Variants in ASF1A observed in about 807,000 individuals in gnomAD.
ASF1A encodes the protein histone chaperone ASF1A.
Under a neutral mutation model 22.0 loss-of-function variants are expected in ASF1A, and 5 were observed. The observed-to-expected ratio is 0.23, with a 90% CI of 0.12 to 0.48. The LOEUF (loss-of-function observed/expected upper bound fraction) is 0.48. ASF1A is among the 20% of genes least tolerant of loss of function. ASF1A has a pLI of 0.99. For synonymous variants in ASF1A, 97 were observed against 86.7 expected, an observed-to-expected ratio of 1.12 and a Z score of -0.66; for missense variants, 137 against 240.6, an observed-to-expected ratio of 0.57 and a Z score of 2.85.
intron 1 of ASF1A, among the ~76,000 whole-genome samples, chr6:118,899,691 TATAA>T (rs1779673200): frequency 6.6e-6 from 1 of 152,178 alleles, no homozygotes; most frequent in Non-Finnish European, 1.5e-5. Flanking sequence ...TACAATACAA[TATAA>T]ATAAGCAGTA....
Position 118,894,299 on chromosome 6 carries a change from C to A in ASF1A, c.-115C>A. 1.3e-6 allele frequency: 2 copies of A among 1,489,828 alleles called. No homozygotes were observed. Among genetic ancestry groups the A allele is most frequent in the South Asian group, 1.3e-5 (1 of 77,910 alleles). 92.3% of individuals were successfully genotyped at this position (1,489,828 alleles called of 1,614,324 possible). A position where few individuals can be genotyped will look rare whatever the true frequency, so the allele number is the denominator to read the frequency against. ...AAAAAAGTTTCTCAAGTCGCCGCTG[C>A]ACGACGTCTGGCCGGCGCTGGAGCG... On this transcript the variant is annotated 5_prime_UTR_variant, in exon 1 of 4. Coordinates refer to ENST00000229595, the MANE Select transcript of ASF1A (RefSeq NM_014034.3).
intron 1 of ASF1A, among the ~76,000 whole-genome samples, chr6:118,894,749 G>A (rs958703474): frequency 7.1e-6 from 1 of 140,840 alleles, no homozygotes; most frequent in African/African-American, 3.0e-5. Context: ...TTGTTTGAGC[G>A]GAGGAGCGGA....
At chr6:118,902,479 T>C (rs1374696317) in intron 2 of ASF1A, among the ~76,000 whole-genome samples, 1 of 151,168 alleles carries the variant, frequency 6.6e-6, no homozygotes, top group Non-Finnish European at 1.5e-5. Context: ...ACTTTACTGA[T>C]AATTCATGAT....
intron 1 of ASF1A, among the ~76,000 whole-genome samples, chr6:118,896,040 C>T (rs1779381606): frequency 2.2e-5 from 3 of 137,592 alleles, no homozygotes; most frequent in Admixed American, 2.1e-4. Flanking sequence ...CATGTGCCCC[C>T]GTTTTTTTTT....
At position 118,896,194 on chromosome 6, in the gene ASF1A, A is replaced by G. The variant is rs148343303; in HGVS notation, c.109+1672A>G. ...CTTATTACTCTGAAGTCATTTGATT[A>G]CTCTCCTATGATACTACTATTAATA... On this transcript the variant is annotated intron_variant, in intron 1 of 3. Coordinates refer to ENST00000229595, the MANE Select transcript of ASF1A (RefSeq NM_014034.3). Among the ~76,000 whole-genome samples, 592 of 151,930 alleles carry G rather than the reference A, an allele frequency of 3.9e-3. 4 individuals are homozygous for G. The highest frequency in any genetic ancestry group is 8.4e-3 in the Admixed American group (128 of 15,244).
intron 2 of ASF1A, among the ~76,000 whole-genome samples, chr6:118,905,139 T>C (rs1780087627): frequency 6.6e-6 from 1 of 152,176 alleles, no homozygotes; most frequent in South Asian, 2.1e-4. Context: ...CCCAACCTCA[T>C]TTTCAGTTTT....
At chr6:118,904,343 A>G (rs1947393749) in intron 2 of ASF1A, among the ~76,000 whole-genome samples, 1 of 152,210 alleles carries the variant, frequency 6.6e-6, no homozygotes, top group East Asian at 1.9e-4. Context: ...TGTTAGGCAT[A>G]CAGTAAACAA....
chr6:118,905,626 TTTC>T (rs1181314050), intron 2 of ASF1A, 23 bp from the exon 3 acceptor site: 1 of 1,568,092 alleles, frequency 6.4e-7, no homozygotes, highest in East Asian at 2.3e-5. Flanking sequence ...TGTGTGTGTG[TTTC>T]TTTTCTTTTT....
At chr6:118,902,238 A>G (rs943036251) in intron 2 of ASF1A, among the ~76,000 whole-genome samples, 2 of 152,208 alleles carry the variant, frequency 1.3e-5, no homozygotes, top group East Asian at 3.8e-4. Flanking sequence ...TGTATTAGCC[A>G]TGTGTGGCTT....
intron 2 of ASF1A, among the ~76,000 whole-genome samples, chr6:118,904,399 C>A (rs1458354249): frequency 6.6e-6 from 1 of 152,204 alleles, no homozygotes; most frequent in African/African-American, 2.4e-5. Flanking sequence ...AAGTGCTCAT[C>A]TAGGCCCAGG....
At chr6:118,900,204 T>C (rs930754238) in intron 1 of ASF1A, among the ~76,000 whole-genome samples, 3 of 152,170 alleles carry the variant, frequency 2.0e-5, no homozygotes, top group Non-Finnish European at 4.4e-5. Flanking sequence ...CCATTGTTCG[T>C]TGACAGTTGA....
intron 1 of ASF1A, among the ~76,000 whole-genome samples, chr6:118,898,615 A>C (rs1042735116): frequency 6.6e-6 from 1 of 152,042 alleles, no homozygotes; most frequent in Admixed American, 6.6e-5. Flanking sequence ...ATGGGGTTTC[A>C]CCATGTTTGC....
intron 1 of ASF1A, among the ~76,000 whole-genome samples, chr6:118,898,245 G>C (rs181360065): frequency 7.2e-5 from 11 of 152,156 alleles, no homozygotes; most frequent in South Asian, 2.1e-4. Context: ...TAAACAATAG[G>C]TATGAAGTAG....
chr6:118,894,568 G>A, intron 1 of ASF1A, 46 bp downstream of exon 1: 1 of 1,462,626 alleles, frequency 6.8e-7, no homozygotes, highest in East Asian at 2.5e-5. Flanking sequence ...GCGGGCTGCA[G>A]ACGTTGAAAG....
chr6:118,899,427 G>GT (rs1412948503), intron 1 of ASF1A, among the ~76,000 whole-genome samples: 2 of 152,010 alleles, frequency 1.3e-5, no homozygotes, highest in Non-Finnish European at 2.9e-5. Context: ...CTTGCCAAGT[G>GT]TGCCCTACCC....
intron 2 of ASF1A, 41 bp downstream of exon 2, chr6:118,900,922 C>A: frequency 1.5e-6 from 2 of 1,327,914 alleles, no homozygotes; most frequent in South Asian, 1.2e-5. Context: ...AAATATGTTT[C>A]GAAGTAGACT....
chr6:118,895,244 C>T (rs993671477), intron 1 of ASF1A, among the ~76,000 whole-genome samples: 1 of 152,100 alleles, frequency 6.6e-6, no homozygotes, highest in East Asian at 1.9e-4. Flanking sequence ...GGGTCCTGTT[C>T]GGCCGGTCCT....
intron 1 of ASF1A, among the ~76,000 whole-genome samples, chr6:118,898,089 G>T (rs556746070): frequency 6.6e-6 from 1 of 152,148 alleles, no homozygotes; most frequent in Admixed American, 6.5e-5. Context: ...GAAGAAGCCC[G>T]GGGTTTGTAG....
At chr6:118,894,556 T>C (rs545813114) in intron 1 of ASF1A, 34 bp downstream of exon 1, 1 of 1,498,996 alleles carries the variant, frequency 6.7e-7, no homozygotes, top group Non-Finnish European at 9.0e-7. Context: ...GGGCTGTCAG[T>C]TGCGGGCTGC....
Sources: gnomAD v4.1 joint callset for allele counts (sites outside exome capture counted in the v4.1 genomes callset) on GRCh38, gnomAD v4.1.1 for gene constraint, MANE v1.5 for transcripts, NCBI Gene and HGNC (gene_info 2026-07-23, HGNC 2026-07-21) for gene names.